The following PDE11A variants were observed in gnomAD, a reference collection of about 807,000 sequenced individuals.
PDE11A encodes the protein dual 3',5'-cyclic-AMP and -GMP phosphodiesterase 11A.
PDE11A carries 100 observed loss-of-function variants against 100.5 expected under a neutral mutation model. That is an observed-to-expected ratio of 1.00 (90% CI 0.85 to 1.18). The LOEUF is 1.18. Ranked by LOEUF, PDE11A falls within the 50% of genes most tolerant of loss-of-function variation. The probability of loss-of-function intolerance (pLI) is 0.00; values close to 1 mark genes in which losing one functional copy is unlikely to be tolerated. For synonymous variants in PDE11A, 381 were observed against 420.8 expected, an observed-to-expected ratio of 0.91 and a Z score of 1.16; for missense variants, 1,141 against 1,152.6, an observed-to-expected ratio of 0.99 and a Z score of 0.15.
chr2:177,731,264 C>T (rs898533875), intron 10 of PDE11A, among the ~76,000 whole-genome samples: 2 of 152,082 alleles, frequency 1.3e-5, no homozygotes, highest in Non-Finnish European at 2.9e-5. Context: ...AGAGGTTTTC[C>T]TTAGCGGCCT....
intron 2 of PDE11A, among the ~76,000 whole-genome samples, chr2:177,963,905 GC>G (rs1356602852): frequency 6.6e-6 from 1 of 152,132 alleles, no homozygotes; most frequent in Non-Finnish European, 1.5e-5. Flanking sequence ...GCTTTACTCT[GC>G]CATGGCATGC....
At chr2:177,659,075 A>G (rs566754261) in intron 19 of PDE11A, among the ~76,000 whole-genome samples, 1 of 152,222 alleles carries the variant, frequency 6.6e-6, no homozygotes, top group African/African-American at 2.4e-5. Flanking sequence ...CCTGGCCAAC[A>G]TGGTGAAACC....
chr2:177,850,555 A>G (rs375228931), intron 5 of PDE11A, among the ~76,000 whole-genome samples: 37 of 152,314 alleles, frequency 2.4e-4, no homozygotes, highest in Admixed American at 1.8e-3. Context: ...TAAACTAAAG[A>G]GCTTCTGCAC....
intron 10 of PDE11A, among the ~76,000 whole-genome samples, chr2:177,752,002 G>A (rs771290309): frequency 1.3e-4 from 20 of 152,064 alleles, no homozygotes; most frequent in Non-Finnish European, 2.2e-4. Flanking sequence ...TTGAACCCAC[G>A]TCTAGTGATG....
rs745772232 is a variant in PDE11A at position 177,629,564 on chromosome 2, TAAAAC to T, written c.2647-7_2647-3del. On this transcript the variant is annotated splice_polypyrimidine_tract_variant and splice_region_variant and intron_variant, in intron 19 of 19. Coordinates refer to ENST00000286063, the MANE Select transcript of PDE11A (RefSeq NM_016953.4). ...TTTCACGTTGACCTTCACCAGTGCC[TAAAAC>T]AAAACAAAACAAAACACAGGTGGAG... is the stretch of plus-strand genomic sequence containing the variant. 3.2e-5 allele frequency: 51 copies of T among 1,613,180 alleles called. 1 individual carries two copies. Among genetic ancestry groups the T allele is most frequent in the Non-Finnish European group, 1.6e-5 (19 of 1,179,472 alleles).
chr2:177,897,424 A>C (rs981946635), intron 4 of PDE11A, among the ~76,000 whole-genome samples: 2 of 152,184 alleles, frequency 1.3e-5, no homozygotes, highest in African/African-American at 4.8e-5. Flanking sequence ...CCTGCAGGGA[A>C]GTGAACAGCA....
chr2:178,004,365 A>G (rs1053952608), intron 2 of PDE11A, among the ~76,000 whole-genome samples: 1 of 152,210 alleles, frequency 6.6e-6, no homozygotes, highest in African/African-American at 2.4e-5. Context: ...ACTTTTCATC[A>G]GAAAGGAATT....
intron 19 of PDE11A, among the ~76,000 whole-genome samples, chr2:177,632,771 C>T (rs1412111180): frequency 1.3e-5 from 2 of 152,150 alleles, no homozygotes; most frequent in East Asian, 1.9e-4. Flanking sequence ...CTAACTGTAC[C>T]GAACTTTAGA....
rs78874172 is a variant in PDE11A, at chr2:177,675,443, A to G, written c.2487+12T>C. ...CCTCCTCTGCTGAGCCCTGCCATTA[A>G]TCACCACTTGCCTGTCTGGAGATCT... On this transcript the variant is annotated intron_variant, in intron 17 of 19. Coordinates refer to ENST00000286063, the MANE Select transcript of PDE11A (RefSeq NM_016953.4). The G allele has an allele frequency of 4.4e-6, 7 of 1,604,748 alleles. No homozygotes were observed. The highest frequency in any genetic ancestry group is 3.3e-5 in the Admixed American group (2 of 59,958).
At chr2:177,856,906 T>C (rs1421621116) in intron 5 of PDE11A, among the ~76,000 whole-genome samples, 1 of 151,952 alleles carries the variant, frequency 6.6e-6, no homozygotes, top group East Asian at 1.9e-4. Context: ...GTTGAAAACT[T>C]CCCATACTTG....
chr2:177,671,128 T>A (rs950729124), intron 17 of PDE11A, among the ~76,000 whole-genome samples: 2 of 152,204 alleles, frequency 1.3e-5, no homozygotes, highest in African/African-American at 2.4e-5. Flanking sequence ...CTAGGTCTTT[T>A]GCATTAAAGA....
intron 9 of PDE11A, among the ~76,000 whole-genome samples, chr2:177,780,512 T>C (rs1322978033): frequency 6.6e-6 from 1 of 152,226 alleles, no homozygotes; most frequent in East Asian, 1.9e-4. Flanking sequence ...TTTGAAGACA[T>C]TGACTTCTCC....
intron 2 of PDE11A, among the ~76,000 whole-genome samples, chr2:177,946,491 GT>G (rs1317979353): frequency 0.94 from 4,117 of 4,378 alleles, 1,936 homozygotes; most frequent in Middle Eastern, 1. Flanking sequence ...CAGCCGCCCC[GT>G]CCCGGGAAGG....
At chr2:177,965,691 G>C (rs1262336495) in intron 2 of PDE11A, among the ~76,000 whole-genome samples, 1 of 151,846 alleles carries the variant, frequency 6.6e-6, no homozygotes, top group Non-Finnish European at 1.5e-5. Context: ...TTTATTTCTG[G>C]GTTCTCTAAC....
chr2:177,855,921 C>G (rs1403673963), intron 5 of PDE11A, among the ~76,000 whole-genome samples: 1 of 150,534 alleles, frequency 6.6e-6, no homozygotes, highest in Non-Finnish European at 1.5e-5. Flanking sequence ...CACACACACA[C>G]ACACACACAC....
chr2:177,882,889 AT>A (rs1361975267), intron 4 of PDE11A, among the ~76,000 whole-genome samples: 1 of 152,210 alleles, frequency 6.6e-6, no homozygotes, highest in Non-Finnish European at 1.5e-5. Context: ...CAAAATAAAA[AT>A]TATCTACTAA....
In PDE11A at chr2:177,697,203, CA is replaced by C. The variant is rs373186616; in HGVS notation, c.2345+128del. 593 of 680,168 alleles carry C rather than the reference CA, an allele frequency of 8.7e-4. 4 individuals carry two copies. In the African/African-American group the frequency reaches 9.5e-3, roughly 11 times the overall value. 42.1% of individuals were successfully genotyped at this position (680,168 alleles called of 1,614,324 possible). ...CATTTATATCAGAGAGAAACAACAA[CA>C]AAAAAAGTTTAGCTGGTTTACACAT... On this transcript the variant is annotated intron_variant, in intron 15 of 19. Coordinates refer to ENST00000286063, the MANE Select transcript of PDE11A (RefSeq NM_016953.4).
chr2:178,018,135 T>G, intron 1 of PDE11A: 1 of 286,816 alleles, frequency 3.5e-6, no homozygotes, highest in Non-Finnish European at 6.9e-6. Flanking sequence ...GAGCACAGCA[T>G]GTTCACCTGC....
chr2:178,084,269 T>C (rs1004687030), intron 2 of PDE11A, among the ~76,000 whole-genome samples: 5 of 152,242 alleles, frequency 3.3e-5, no homozygotes, highest in African/African-American at 1.2e-4. Context: ...CTTTTCTAAA[T>C]CAGAATTTAA....
Sources: allele counts gnomAD v4.1 joint callset (sites outside exome capture counted in the v4.1 genomes callset), GRCh38; gene constraint gnomAD v4.1.1; transcripts MANE v1.5; gene names NCBI Gene and HGNC (gene_info 2026-07-23, HGNC 2026-07-21).